The following CORIN variants were observed in gnomAD, a reference collection of about 807,000 sequenced individuals.
The protein encoded by CORIN is atrial natriuretic peptide-converting enzyme.
A neutral mutation model predicts 125.3 loss-of-function variants in CORIN; 117 were observed. The observed-to-expected ratio is 0.93, with a 90% confidence interval of 0.80 to 1.09. The LOEUF (loss-of-function observed/expected upper bound fraction) is 1.09. Among genes scored for constraint, CORIN ranks in the 50% least tolerant of loss-of-function variants. The pLI is 0.00. For synonymous variants in CORIN, 450 were observed against 466.4 expected, an observed-to-expected ratio of 0.96 and a Z score of 0.45; for missense variants, 1,253 against 1,306.7, an observed-to-expected ratio of 0.96 and a Z score of 0.63.
intron 5 of CORIN, among the ~76,000 whole-genome samples, chr4:47,719,909 C>T (rs1479739839): frequency 6.6e-6 from 1 of 152,118 alleles, no homozygotes; most frequent in African/African-American, 2.4e-5. Context: ...CAGAAGTAAC[C>T]TGTCATATGT....
intron 4 of CORIN, among the ~76,000 whole-genome samples, chr4:47,755,362 C>T (rs1279593996): frequency 2.0e-5 from 3 of 152,140 alleles, no homozygotes; most frequent in African/African-American, 7.2e-5. Context: ...CATGGTATGC[C>T]CTCAAAGTTT....
chr4:47,675,785 C>T (rs1440183829), intron 9 of CORIN, among the ~76,000 whole-genome samples: 1 of 152,092 alleles, frequency 6.6e-6, no homozygotes, highest in Non-Finnish European at 1.5e-5. Context: ...ATTGCCCAGG[C>T]TAGTCTCAAA....
intron 3 of CORIN, among the ~76,000 whole-genome samples, chr4:47,769,161 G>C (rs553516796): frequency 1.3e-4 from 20 of 152,084 alleles, no homozygotes; most frequent in Admixed American, 8.5e-4. Context: ...AAAATCAGTT[G>C]TTTCAATCAG....
chr4:47,625,430 T>G lies in CORIN; in HGVS notation c.2315+975A>C, dbSNP rs530588917. On this transcript the variant is annotated intron_variant, in intron 17 of 21. Transcript: ENST00000273857. ...AACTCCCAATCTAGAATGCATTATT[T>G]ATTTATTTATTTACTTGACCTGAAA... Among the ~76,000 whole-genome samples the G allele has an allele frequency of 2.6e-5, 4 of 152,194 alleles. No homozygotes were observed. The South Asian group carries it at 6.2e-4, about 24-fold the overall frequency.
At chr4:47,835,526 C>T (rs1343556710) in intron 1 of CORIN, among the ~76,000 whole-genome samples, 1 of 152,128 alleles carries the variant, frequency 6.6e-6, no homozygotes, top group Non-Finnish European at 1.5e-5. Flanking sequence ...GAAAGGAGTA[C>T]CTCATTAACA....
intron 2 of CORIN, among the ~76,000 whole-genome samples, chr4:47,799,341 T>C (rs1247624153): frequency 6.6e-6 from 1 of 152,186 alleles, no homozygotes; most frequent in African/African-American, 2.4e-5. Context: ...TTGAAGTTCT[T>C]TGAGAAATCT....
At chr4:47,799,257 T>C (rs1045179487) in intron 2 of CORIN, among the ~76,000 whole-genome samples, 1 of 152,042 alleles carries the variant, frequency 6.6e-6, no homozygotes, top group African/African-American at 2.4e-5. Context: ...GTGTGTGTCT[T>C]TTTGGTGGAA....
intron 1 of CORIN, among the ~76,000 whole-genome samples, chr4:47,819,303 A>G (rs1732403786): frequency 6.6e-6 from 1 of 152,236 alleles, no homozygotes. Flanking sequence ...AGACTTCACA[A>G]AGGAAGTCTA....
At chr4:47,783,159 T>C (rs1485772689) in intron 3 of CORIN, among the ~76,000 whole-genome samples, 3 of 152,012 alleles carry the variant, frequency 2.0e-5, no homozygotes, top group African/African-American at 4.8e-5. Context: ...AGTTTCCCCT[T>C]TCCTTAAAGT....
chr4:47,630,300 T>G (rs930275042), intron 16 of CORIN, among the ~76,000 whole-genome samples: 1 of 152,220 alleles, frequency 6.6e-6, no homozygotes, highest in African/African-American at 2.4e-5. Context: ...GTGCCTGTAC[T>G]TCTCCATTTT....
intron 16 of CORIN, among the ~76,000 whole-genome samples, chr4:47,640,593 T>C (rs900029605): frequency 2.0e-5 from 3 of 152,206 alleles, no homozygotes; most frequent in African/African-American, 7.2e-5. Flanking sequence ...GTGAATAAAG[T>C]AAATGCCACT....
At chr4:47,610,722 C>A in intron 19 of CORIN, among the ~76,000 whole-genome samples, 1 of 152,004 alleles carries the variant, frequency 6.6e-6, no homozygotes, top group Middle Eastern at 3.4e-3. Flanking sequence ...TTTGTAGTTT[C>A]GGGTTTTACA....
chr4:47,790,166 C>G (rs1331352965), intron 2 of CORIN: 1 of 965,956 alleles, frequency 1.0e-6, no homozygotes, highest in Non-Finnish European at 1.2e-6. Flanking sequence ...CTACCACTTG[C>G]CCTGAAACTT....
chr4:47,790,312 A>C (rs1731020162), intron 2 of CORIN: 1 of 379,976 alleles, frequency 2.6e-6, no homozygotes, highest in Non-Finnish European at 3.6e-6. Flanking sequence ...AGGAGCGTGC[A>C]CTGGGGTGGA....
intron 10 of CORIN, among the ~76,000 whole-genome samples, chr4:47,673,756 C>T (rs996665062): frequency 1.3e-5 from 2 of 152,054 alleles, no homozygotes; most frequent in Non-Finnish European, 2.9e-5. Context: ...CCTGGAAAGG[C>T]GAGAATAAAT....
At chr4:47,623,096 C>CTCTATATATATA (rs771867590) in intron 19 of CORIN, among the ~76,000 whole-genome samples, 64 of 102,290 alleles carry the variant, frequency 6.3e-4, no homozygotes, top group East Asian at 1.2e-3. Context: ...CTCTCTCTCT[C>CTCTATATATATA]TATATATATA....
intron 1 of CORIN, among the ~76,000 whole-genome samples, chr4:47,812,492 G>A (rs558506663): frequency 7.9e-5 from 12 of 152,162 alleles, no homozygotes; most frequent in African/African-American, 2.9e-4. Flanking sequence ...GAGACAGAAC[G>A]AGACCCTGGG....
intron 5 of CORIN, among the ~76,000 whole-genome samples, chr4:47,721,261 A>T (rs1017557486): frequency 6.6e-6 from 1 of 151,218 alleles, no homozygotes; most frequent in Non-Finnish European, 1.5e-5. Flanking sequence ...CCACCCCCAT[A>T]ACCTCATTTT....
In CORIN at chr4:47,752,927, G is replaced by T. The variant is rs186594030; in HGVS notation, c.618-8344C>A. On this transcript the variant is annotated intron_variant, in intron 4 of 21. Transcript: ENST00000273857. Reference sequence around the variant, plus strand: ...GTTTTGATTTTTACACATTATAAAAGGATGCCATGAATACGGATATTCAAA... The same window carrying T: ...GTTTTGATTTTTACACATTATAAAATGATGCCATGAATACGGATATTCAAA... Among the ~76,000 whole-genome samples, 5 of 151,804 alleles carry T rather than the reference G, an allele frequency of 3.3e-5. No individual in the cohort carries two copies. In the East Asian group the frequency reaches 9.6e-4, roughly 29 times the overall value.
Sources: gnomAD v4.1 joint callset for allele counts (sites outside exome capture counted in the v4.1 genomes callset) on GRCh38, gnomAD v4.1.1 for gene constraint, MANE v1.5 for transcripts, NCBI Gene and HGNC (gene_info 2026-07-23, HGNC 2026-07-21) for gene names.